The following ATP8A1 variants were observed in gnomAD, a reference collection of about 807,000 sequenced individuals.
ATP8A1 encodes the protein ATPase phospholipid transporting 8A1, also known as phospholipid-transporting ATPase IA.
A neutral mutation model predicts 177.7 loss-of-function variants in ATP8A1; 90 were observed. The ratio of observed to expected loss-of-function variants is 0.51; its 90% CI spans 0.43 to 0.60. The LOEUF (loss-of-function observed/expected upper bound fraction) is 0.60, where lower values mean the gene tolerates loss of function less well. Ranked by LOEUF, ATP8A1 falls within the 20% of genes least tolerant of loss-of-function variation. ATP8A1 has a pLI of 0.00. For synonymous variants in ATP8A1, 493 were observed against 485.9 expected (o/e 1.01, Z -0.19); for missense variants, 1,072 against 1,392.8 (o/e 0.77, Z 3.67).
intron 35 of ATP8A1, among the ~76,000 whole-genome samples, chr4:42,420,536 A>C (rs4495069): frequency 0.38 from 56,933 of 151,712 alleles, 10,939 homozygotes; most frequent in African/African-American, 0.45. Flanking sequence ...ATATTACGGA[A>C]TCACTGAATG....
chr4:42,446,733 G>C (rs1261441103), intron 30 of ATP8A1, 89 bp from the exon 31 acceptor site: 1 of 1,171,000 alleles, frequency 8.5e-7, no homozygotes, highest in Admixed American at 1.9e-5. Flanking sequence ...AACGAAGGAA[G>C]GGAAATCAAG....
intron 5 of ATP8A1, among the ~76,000 whole-genome samples, chr4:42,608,605 G>A (rs1041361214): frequency 6.6e-6 from 1 of 152,156 alleles, no homozygotes; most frequent in Non-Finnish European, 1.5e-5. Context: ...TGATCTGCCT[G>A]CCTTGGCCTC....
intron 33 of ATP8A1, among the ~76,000 whole-genome samples, chr4:42,429,979 T>C (rs1353642351): frequency 1.3e-5 from 2 of 152,042 alleles, no homozygotes. Flanking sequence ...AAAAGGAGAA[T>C]GGGGATTGTT....
chr4:42,517,083 C>G (rs562846656), intron 22 of ATP8A1, among the ~76,000 whole-genome samples: 1 of 150,650 alleles, frequency 6.6e-6, no homozygotes, highest in Non-Finnish European at 1.5e-5. Flanking sequence ...GGGTGGATCA[C>G]GAGGTCAGGA....
At chr4:42,472,712 C>A (rs557812278) in intron 25 of ATP8A1, among the ~76,000 whole-genome samples, 2 of 143,872 alleles carry the variant, frequency 1.4e-5, no homozygotes, top group Non-Finnish European at 3.0e-5. Flanking sequence ...ATCGCGCCAT[C>A]GCACTCCAGC....
intron 33 of ATP8A1, among the ~76,000 whole-genome samples, chr4:42,433,281 C>T (rs1715509382): frequency 8.2e-6 from 1 of 122,286 alleles, no homozygotes; most frequent in African/African-American, 3.3e-5. Context: ...GTCCAGCGCT[C>T]TCTTCTCTGT....
At chr4:42,517,117 T>G (rs764908745) in intron 22 of ATP8A1, among the ~76,000 whole-genome samples, 10 of 150,756 alleles carry the variant, frequency 6.6e-5, no homozygotes, top group Non-Finnish European at 1.5e-5. Flanking sequence ...CTGGCCAACA[T>G]GGTGAAACCC....
At chr4:42,637,462 C>CA (rs1739515129) in intron 1 of ATP8A1, among the ~76,000 whole-genome samples, 2 of 152,316 alleles carry the variant, frequency 1.3e-5, no homozygotes, top group African/African-American at 4.8e-5. Flanking sequence ...TGAGTTATAA[C>CA]AAACATTACA....
chr4:42,611,916 C>A lies in ATP8A1; in HGVS notation c.409+4117G>T, dbSNP rs573542728. 6.6e-5 allele frequency among the ~76,000 whole-genome samples: 10 copies of A among 152,096 alleles called. No individual in the cohort carries two copies. The South Asian group carries it at 1.9e-3, about 28-fold the overall frequency. ...GTGTAGACACATGGAGGAGGCTGTG[C>A]CAAAATGTGAGTTCAAATACTGAGG... On this transcript the variant is annotated intron_variant, in intron 5 of 36. Transcript: ENST00000381668.
intron 25 of ATP8A1, among the ~76,000 whole-genome samples, chr4:42,478,114 G>A (rs1721274797): frequency 6.6e-6 from 1 of 152,066 alleles, no homozygotes; most frequent in Non-Finnish European, 1.5e-5. Context: ...CAGCCCTTTG[G>A]GAGACTGAGG....
chr4:42,457,943 T>C lies in ATP8A1; in HGVS notation c.2620-2344A>G, dbSNP rs569019735. Reference sequence around the variant, plus strand: ...TCCTACTGAAAGGTAGGTGAACATGTTTTTAGAAAATGTATTTCCTGGATT... The same window carrying C: ...TCCTACTGAAAGGTAGGTGAACATGCTTTTAGAAAATGTATTTCCTGGATT... On this transcript the variant is annotated intron_variant, in intron 27 of 36. Transcript: ENST00000381668. Among the ~76,000 whole-genome samples, 4 of 152,312 alleles carry C rather than the reference T, an allele frequency of 2.6e-5. No homozygotes were observed. The East Asian group carries it at 5.8e-4, about 22-fold the overall frequency.
chr4:42,584,095 C>T (rs1432912197), intron 9 of ATP8A1, among the ~76,000 whole-genome samples: 2 of 152,160 alleles, frequency 1.3e-5, no homozygotes, highest in East Asian at 3.9e-4. Context: ...CTTCAAATGT[C>T]CTTTAGAATT....
chr4:42,544,107 C>T (rs1429926911), intron 19 of ATP8A1, 121 bp from the exon 20 acceptor site: 3 of 749,458 alleles, frequency 4.0e-6, no homozygotes, highest in Non-Finnish European at 6.5e-6. Context: ...AATCATGAGC[C>T]CTAACCTTCC....
chr4:42,415,397 T>G (rs531904783), intron 35 of ATP8A1, among the ~76,000 whole-genome samples: 1 of 152,290 alleles, frequency 6.6e-6, no homozygotes, highest in South Asian at 2.1e-4. Flanking sequence ...CAGATACAAA[T>G]CCAGATAATT....
chr4:42,609,014 G>A (rs888650573), intron 5 of ATP8A1, among the ~76,000 whole-genome samples: 1 of 152,096 alleles, frequency 6.6e-6, no homozygotes, highest in African/African-American at 2.4e-5. Context: ...AACCACCAGG[G>A]GCTTGGCTGA....
At position 42,418,707 on chromosome 4, in the gene ATP8A1, T is replaced by C. The variant is rs140565196; in HGVS notation, c.3306-3989A>G. ...TTGCATTTATTTCTACCATAACCCA[T>C]GGCTCAAAAGCATGCGTATTTAGAA... On this transcript the variant is annotated intron_variant, in intron 35 of 36. Transcript: ENST00000381668. 3.0e-3 allele frequency among the ~76,000 whole-genome samples: 462 copies of C among 152,294 alleles called. 4 individuals are homozygous for C. Among genetic ancestry groups the C allele is most frequent in the African/African-American group, 9.7e-3 (405 of 41,556 alleles).
chr4:42,530,060 G>A (rs1727107762), intron 20 of ATP8A1, among the ~76,000 whole-genome samples: 1 of 152,178 alleles, frequency 6.6e-6, no homozygotes, highest in African/African-American at 2.4e-5. Flanking sequence ...AGCAGAGGAG[G>A]AGTTTAATAA....
rs148613439 is a variant in ATP8A1, at chr4:42,579,575, T to A, written c.1000+238A>T. Reference sequence around the variant, plus strand: ...ATATATAATAAATGACTATACTTAGTGAACATTTTATACCACTATAGAGTG... The same window carrying A: ...ATATATAATAAATGACTATACTTAGAGAACATTTTATACCACTATAGAGTG... On this transcript the variant is annotated intron_variant, in intron 11 of 36. Transcript: ENST00000381668. 1.7e-4 allele frequency among the ~76,000 whole-genome samples: 26 copies of A among 152,038 alleles called. No homozygotes were observed. In the East Asian group the frequency reaches 4.0e-3, roughly 24 times the overall value.
intron 24 of ATP8A1, among the ~76,000 whole-genome samples, chr4:42,495,699 C>T (rs907685713): frequency 1.3e-5 from 2 of 151,394 alleles, no homozygotes; most frequent in Non-Finnish European, 2.9e-5. Flanking sequence ...TGTTGAAAAA[C>T]ATATGTGTAT....
Sources: gnomAD v4.1 joint callset for allele counts (sites outside exome capture counted in the v4.1 genomes callset) on GRCh38, gnomAD v4.1.1 for gene constraint, MANE v1.5 for transcripts, NCBI Gene and HGNC (gene_info 2026-07-23, HGNC 2026-07-21) for gene names.